The following ACSL3 variants were observed in gnomAD, a reference collection of about 807,000 sequenced individuals.
The protein encoded by ACSL3 is acyl-CoA synthetase long chain family member 3.
Under a neutral mutation model 84.7 loss-of-function variants are expected in ACSL3, and 34 were observed. The observed-to-expected ratio is 0.40, with a 90% CI of 0.31 to 0.53. The LOEUF (loss-of-function observed/expected upper bound fraction) is 0.53. ACSL3 is among the 20% of genes least tolerant of loss of function. ACSL3 has a pLI of 0.48. For missense variants in ACSL3, 680 were observed against 873.1 expected (o/e 0.78, Z 2.79); for synonymous variants, 315 against 299.4 (o/e 1.05, Z -0.54).
chr2:222,885,821 C>T (rs925321665), intron 1 of ACSL3, among the ~76,000 whole-genome samples: 5 of 152,106 alleles, frequency 3.3e-5, no homozygotes, highest in Non-Finnish European at 7.4e-5. Flanking sequence ...CGGCTTAACG[C>T]AACCTCTGCC....
At chr2:222,925,820 AATG>A (rs1465024785) in intron 11 of ACSL3, among the ~76,000 whole-genome samples, 2 of 152,142 alleles carry the variant, frequency 1.3e-5, no homozygotes, top group East Asian at 3.9e-4. Flanking sequence ...TAAAGCTTTA[AATG>A]ATCAGTTTTG....
intron 12 of ACSL3, among the ~76,000 whole-genome samples, chr2:222,927,718 A>T (rs573749340): frequency 1.2e-4 from 19 of 152,202 alleles, no homozygotes; most frequent in Non-Finnish European, 1.8e-4. Context: ...GATGAATCGC[A>T]TAGGGCCTCA....
At chr2:222,883,932 A>G (rs1040068398) in intron 1 of ACSL3, among the ~76,000 whole-genome samples, 2 of 152,182 alleles carry the variant, frequency 1.3e-5, no homozygotes, top group African/African-American at 4.8e-5. Flanking sequence ...TTCTGTTAAT[A>G]TATAGCATTG....
At chr2:222,898,144 C>G (rs972310269) in intron 2 of ACSL3, among the ~76,000 whole-genome samples, 16 of 152,284 alleles carry the variant, frequency 1.1e-4, no homozygotes, top group African/African-American at 3.8e-4. Flanking sequence ...CTTCCCTGTT[C>G]ATACTCTGTG....
chr2:222,899,912 T>G (rs1351032327), intron 2 of ACSL3, among the ~76,000 whole-genome samples: 1 of 152,170 alleles, frequency 6.6e-6, no homozygotes, highest in Non-Finnish European at 1.5e-5. Context: ...ATTAATTTGT[T>G]CCCTTAACTG....
chr2:222,941,778 G>A lies in ACSL3; in HGVS notation c.*124G>A, dbSNP rs560999906. On this transcript the variant is annotated 3_prime_UTR_variant, in exon 17 of 17. Coordinates refer to ENST00000357430, the MANE Select transcript of ACSL3 (RefSeq NM_004457.5). ...ATATTAAACTATTACTTCTCATGAC[G>A]TCACCATTTTTAACTGACAGGATTA... 2.0e-4 allele frequency: 212 copies of A among 1,060,020 alleles called. No homozygotes were observed. Among genetic ancestry groups the A allele is most frequent in the Middle Eastern group, 3.2e-4 (1 of 3,106 alleles). The allele number at this position is 1,060,020 out of a possible 1,614,324, so 65.7% of individuals were successfully genotyped here.
intron 14 of ACSL3, among the ~76,000 whole-genome samples, chr2:222,932,015 A>G (rs540112381): frequency 6.6e-6 from 1 of 152,314 alleles, no homozygotes; most frequent in South Asian, 2.1e-4. Context: ...AGTATGAGCA[A>G]CAGAGTGAGA....
intron 1 of ACSL3, among the ~76,000 whole-genome samples, chr2:222,879,077 GA>G (rs1695527867): frequency 6.6e-6 from 1 of 152,198 alleles, no homozygotes; most frequent in African/African-American, 2.4e-5. Context: ...GACACTTTGG[GA>G]GGCCAAGGCG....
chr2:222,938,713 T>G (rs548621257), intron 16 of ACSL3, among the ~76,000 whole-genome samples: 1 of 152,316 alleles, frequency 6.6e-6, no homozygotes, highest in South Asian at 2.1e-4. Context: ...TTTCTTCAAA[T>G]AGGCTTTCTG....
intron 2 of ACSL3, among the ~76,000 whole-genome samples, chr2:222,899,990 TCCTAG>T (rs1696096350): frequency 6.6e-6 from 1 of 152,258 alleles, no homozygotes; most frequent in South Asian, 2.1e-4. Context: ...AGCCTCATTT[TCCTAG>T]CCCTCACCAA....
chr2:222,921,173 A>C, intron 7 of ACSL3, 107 bp from the exon 8 acceptor site: 1 of 1,273,326 alleles, frequency 7.9e-7, no homozygotes, highest in South Asian at 1.3e-5. Flanking sequence ...ATTGAGTTAA[A>C]TTAACTCAAT....
intron 13 of ACSL3, 47 bp downstream of exon 13, chr2:222,928,983 A>C: frequency 1.3e-6 from 2 of 1,500,296 alleles, no homozygotes; most frequent in Non-Finnish European, 1.8e-6. Context: ...AAAGTATTAA[A>C]CTTGAAAATT....
At chr2:222,908,418 G>A (rs2106117581) in intron 3 of ACSL3, among the ~76,000 whole-genome samples, 1 of 152,272 alleles carries the variant, frequency 6.6e-6, no homozygotes, top group African/African-American at 2.4e-5. Context: ...CACAGGAAAT[G>A]GGTAAATTTT....
chr2:222,929,080 T>C (rs925380283), intron 13 of ACSL3, 144 bp downstream of exon 13: 4 of 593,482 alleles, frequency 6.7e-6, no homozygotes, highest in Non-Finnish European at 1.2e-5. Flanking sequence ...TCTCGAACTA[T>C]ATGAATGCAT....
chr2:222,925,744 T>A (rs1696861454), intron 11 of ACSL3, among the ~76,000 whole-genome samples: 1 of 152,258 alleles, frequency 6.6e-6, no homozygotes, highest in Non-Finnish European at 1.5e-5. Context: ...TTAATTATTT[T>A]GAGAAATAGT....
At position 222,924,488 on chromosome 2, in the gene ACSL3, G is replaced by C; in HGVS notation, c.1185G>C (p.Met395Ile). Residue 395 changes from methionine to isoleucine, a missense_variant, in exon 11 of 17, where the codon ATG becomes ATC. Transcript: ENST00000357430. ...TGGATCGGATCTACAAAAATGTCAT[G>C]AATAAAGTCAGTGAAATGAGTAGTT... ...EIMDRIYKNVMNKVSEMSSFQ... is the reference protein window; with the variant it reads ...EIMDRIYKNVINKVSEMSSFQ... 6.2e-7 allele frequency: 1 copy of C among 1,608,296 alleles called. No individual in the cohort carries two copies. The highest frequency in any genetic ancestry group is 8.5e-7 in the Non-Finnish European group (1 of 1,177,792).
At chr2:222,880,841 A>C (rs552587480) in intron 1 of ACSL3, among the ~76,000 whole-genome samples, 7 of 151,584 alleles carry the variant, frequency 4.6e-5, no homozygotes, top group African/African-American at 9.7e-5. Flanking sequence ...CAAAAAAAAA[A>C]AAAACAAAAA....
chr2:222,923,574 G>A (rs1696795750), intron 10 of ACSL3, among the ~76,000 whole-genome samples: 1 of 152,164 alleles, frequency 6.6e-6, no homozygotes, highest in African/African-American at 2.4e-5. Context: ...TGACAGAGAA[G>A]CTGGTGCAGC....
In ACSL3 at chr2:222,865,902, T is replaced by C. The variant is rs180747594; in HGVS notation, c.-207+4644T>C. 1.1e-3 allele frequency among the ~76,000 whole-genome samples: 171 copies of C among 152,290 alleles called. 1 individual carries two copies. The highest frequency in any genetic ancestry group is 3.7e-3 in the African/African-American group (155 of 41,556). On this transcript the variant is annotated intron_variant, in intron 1 of 16. Coordinates refer to ENST00000357430, the MANE Select transcript of ACSL3 (RefSeq NM_004457.5). ...TAGAAAAATTAAAAATTGCTTATCT[T>C]ACTATCCTCATGTTGATTGCTCTAG...
Sources: gnomAD v4.1 joint callset for allele counts (sites outside exome capture counted in the v4.1 genomes callset) on GRCh38, gnomAD v4.1.1 for gene constraint, MANE v1.5 for transcripts, NCBI Gene and HGNC (gene_info 2026-07-23, HGNC 2026-07-21) for gene names.